Variants in SUSD4 observed in about 807,000 individuals in gnomAD.
The protein encoded by SUSD4 is sushi domain containing 4.
In SUSD4, 41 loss-of-function variants were observed where a neutral mutation model predicts 50.5. The observed-to-expected ratio is 0.81, with a 90% CI of 0.63 to 1.05. The LOEUF (loss-of-function observed/expected upper bound fraction) is 1.05, where lower values mean the gene tolerates loss of function less well. Ranked by LOEUF, SUSD4 falls within the 50% of genes least tolerant of loss-of-function variation. SUSD4 has a pLI of 0.00. For synonymous variants in SUSD4, 257 were observed against 257.3 expected, an observed-to-expected ratio of 1.00 and a Z score of 0.01; for missense variants, 580 against 634.7, an observed-to-expected ratio of 0.91 and a Z score of 0.93.
At chr1:223,298,238 G>A (rs1383772728) in intron 2 of SUSD4, among the ~76,000 whole-genome samples, 1 of 152,056 alleles carries the variant, frequency 6.6e-6, no homozygotes, top group Non-Finnish European at 1.5e-5. Flanking sequence ...GACCCATCTG[G>A]AACCATCTCC....
At chr1:223,354,401 G>C (rs1024801401) in intron 2 of SUSD4, among the ~76,000 whole-genome samples, 1 of 150,338 alleles carries the variant, frequency 6.7e-6, no homozygotes, top group East Asian at 1.9e-4. Context: ...AAGAATGATA[G>C]AAAAAAGCCT....
intron 3 of SUSD4, among the ~76,000 whole-genome samples, chr1:223,283,842 T>C (rs865939757): frequency 1.3e-5 from 2 of 152,080 alleles, no homozygotes; most frequent in Non-Finnish European, 1.5e-5. Flanking sequence ...AAATGTCCAT[T>C]AATGATAGAC....
In SUSD4 at chr1:223,292,647, G is replaced by A. The variant is rs1468922571; in HGVS notation, c.153C>T (p.Phe51=). Reference sequence around the variant, plus strand: ...GGTCAGCACACACTTGAAGGTCATCGAACCCTACATCAACAAAGAGAGGAA... The same window carrying A: ...GGTCAGCACACACTTGAAGGTCATCAAACCCTACATCAACAAAGAGAGGAA... ...CFGPAQLTGG[F]DDLQVCADPG... Residue 51 remains phenylalanine (F), a synonymous_variant, in exon 3 of 9, where the codon TTC becomes TTT. Transcript: ENST00000366878. 1.9e-6 allele frequency: 3 copies of A among 1,613,654 alleles called. No individual in the cohort carries two copies. The highest frequency in any genetic ancestry group is 2.5e-6 in the Non-Finnish European group (3 of 1,179,884).
chr1:223,363,352 G>C lies in SUSD4; in HGVS notation c.74C>G (p.Ser25Cys), dbSNP rs748583497. ...EQQQQQQQPQSPQRLLAVILW... is the reference protein window; with the variant it reads ...EQQQQQQQPQCPQRLLAVILW... Reference sequence around the variant, plus strand: ...GATCACGGCCAAGAGTCTCTGGGGGGACTGAGGTTGCTGCTGCTGCTGCTG... The same window carrying C: ...GATCACGGCCAAGAGTCTCTGGGGGCACTGAGGTTGCTGCTGCTGCTGCTG... Residue 25 changes from serine (S) to cysteine (C), a missense_variant, in exon 2 of 9, where the codon TCC (serine) becomes TGC (cysteine). By Grantham distance (112) the Ser-to-Cys change is moderately radical (BLOSUM62 -1). Transcript: ENST00000366878. 3.1e-6 allele frequency: 5 copies of C among 1,607,586 alleles called. No homozygotes were observed. Among genetic ancestry groups the C allele is most frequent in the Non-Finnish European group, 4.2e-6 (5 of 1,177,432 alleles).
rs572745274 is a variant in SUSD4, at chr1:223,336,703, C to CT, written c.148+26574dup. Among the ~76,000 whole-genome samples, 108 of 148,230 alleles carry CT rather than the reference C, an allele frequency of 7.3e-4. 1 individual carries two copies. Among genetic ancestry groups the CT allele is most frequent in the South Asian group, 5.6e-3 (26 of 4,650 alleles). The stretch of plus-strand genomic sequence containing the variant: ...GTGACTGTAACAGAGAGCTTTAATC[C>CT]TTTTTTTTTTAAGGGACTTGACAAA... On this transcript the variant is annotated intron_variant, in intron 2 of 8. Coordinates refer to ENST00000366878, the MANE Select transcript of SUSD4 (RefSeq NM_017982.4).
chr1:223,222,999 T>C (rs1659228202), intron 8 of SUSD4, among the ~76,000 whole-genome samples: 1 of 152,356 alleles, frequency 6.6e-6, no homozygotes, highest in Admixed American at 6.5e-5. Flanking sequence ...TCGATGCCTT[T>C]TGGTGCCTCT....
intron 2 of SUSD4, among the ~76,000 whole-genome samples, chr1:223,356,607 T>C (rs112954751): frequency 6.6e-6 from 1 of 152,040 alleles, no homozygotes; most frequent in African/African-American, 2.4e-5. Flanking sequence ...TTTTGACATA[T>C]ACTAACTAGA....
chr1:223,301,361 C>T (rs183457327), intron 2 of SUSD4, among the ~76,000 whole-genome samples: 120 of 152,326 alleles, frequency 7.9e-4, no homozygotes, highest in African/African-American at 2.8e-3. Context: ...TCTCAAACAT[C>T]TATTGACCAC....
Position 223,292,617 on chromosome 1 carries a change from G to A in SUSD4, c.183C>T (p.Gly61=). 6.2e-7 allele frequency: 1 copy of A among 1,614,134 alleles called. No homozygotes were observed. The highest frequency in any genetic ancestry group is 8.5e-7 in the Non-Finnish European group (1 of 1,180,022). The change falls in exon 3 of 9, where the codon GGC becomes GGT. Residue 61 remains glycine (G), a synonymous_variant. Coordinates refer to ENST00000366878, the MANE Select transcript of SUSD4 (RefSeq NM_017982.4). Reference sequence around the variant, plus strand: ...GGGTCCTGAAGCCATTCTCGGGAATGCCGGGGTCAGCACACACTTGAAGGT... The same window carrying A: ...GGGTCCTGAAGCCATTCTCGGGAATACCGGGGTCAGCACACACTTGAAGGT... ...FDDLQVCADP[G]IPENGFRTPS...
In SUSD4 at chr1:223,249,645, T is replaced by C. The variant is rs1370858814; in HGVS notation, c.724+14985A>G. On this transcript the variant is annotated intron_variant, in intron 5 of 8. Coordinates refer to ENST00000366878, the MANE Select transcript of SUSD4 (RefSeq NM_017982.4). The stretch of plus-strand genomic sequence containing the variant: ...GTGTATGCACTTATGGGTTCTATAT[T>C]ATAGTTAGTTCTATAATAAGTTTAT... Among the ~76,000 whole-genome samples, 3 of 152,220 alleles carry C rather than the reference T, an allele frequency of 2.0e-5. No individual in the cohort carries two copies. The East Asian group carries it at 5.8e-4, about 29-fold the overall frequency.
chr1:223,229,243 C>T lies in SUSD4; in HGVS notation c.870G>A (p.Gln290=). The change falls in exon 6 of 9, where the codon CAG becomes CAA. Residue 290 remains glutamine, a synonymous_variant. Transcript: ENST00000366878. The surrounding 1 kb of genome is among the most constrained non-coding windows in gnomAD (Gnocchi z 4.7). ...GATAAGAAGGAAACCACTCTCCATA[C>T]TGGCAGGTGATGTACTTGTAGTCGC... is the stretch of plus-strand genomic sequence containing the variant. The part of the protein sequence containing the change: ...LTSDYKYITC[Q]YGEWFPSYQV... 1 of 1,612,074 alleles carries T rather than the reference C, an allele frequency of 6.2e-7. No homozygotes were observed. The highest frequency in any genetic ancestry group is 8.5e-7 in the Non-Finnish European group (1 of 1,178,254).
intron 2 of SUSD4, among the ~76,000 whole-genome samples, chr1:223,298,110 A>G (rs1278591095): frequency 1.3e-5 from 2 of 151,958 alleles, no homozygotes; most frequent in African/African-American, 4.8e-5. Flanking sequence ...GGATGGATGC[A>G]TCGCTAGATG....
chr1:223,229,147 A>G lies in SUSD4; in HGVS notation c.916+50T>C. ...CATAACCACCACCCACTATGTGCAG[A>G]TGGTCCAAGGAGGGTCCATCTCCTC... is the stretch of plus-strand genomic sequence containing the variant. On this transcript the variant is annotated intron_variant, in intron 6 of 8. Coordinates refer to ENST00000366878, the MANE Select transcript of SUSD4 (RefSeq NM_017982.4). This position sits in a 1 kb window ranked among gnomAD's most constrained non-coding sequence, Gnocchi z 4.7. 6.5e-7 allele frequency: 1 copy of G among 1,527,282 alleles called. No homozygotes were observed. The highest frequency in any genetic ancestry group is 8.9e-7 in the Non-Finnish European group (1 of 1,119,048). 94.6% of individuals were successfully genotyped at this position (1,527,282 alleles called of 1,614,324 possible). A position where few individuals can be genotyped will look rare whatever the true frequency, so the allele number is the denominator to read the frequency against.
intron 5 of SUSD4, among the ~76,000 whole-genome samples, chr1:223,235,262 G>C (rs1358218575): frequency 6.6e-6 from 1 of 152,008 alleles, no homozygotes; most frequent in Admixed American, 6.5e-5. Context: ...GGAAGTTCCC[G>C]TATACTCCCT....
At chr1:223,318,447 T>C (rs2103236474) in intron 2 of SUSD4, among the ~76,000 whole-genome samples, 1 of 90,304 alleles carries the variant, frequency 1.1e-5, no homozygotes, top group Middle Eastern at 4.0e-3. Context: ...ACTTCCACAA[T>C]GGTTGAACTA....
chr1:223,252,376 C>T (rs539081997), intron 5 of SUSD4, among the ~76,000 whole-genome samples: 3 of 151,810 alleles, frequency 2.0e-5, no homozygotes, highest in Non-Finnish European at 2.9e-5. Flanking sequence ...AGCCATCGAA[C>T]GCCAAGGAAT....
chr1:223,322,544 A>G (rs902892564), intron 2 of SUSD4, among the ~76,000 whole-genome samples: 4 of 152,236 alleles, frequency 2.6e-5, no homozygotes, highest in Admixed American at 6.5e-5. Context: ...TCTGTACACA[A>G]ATAATTGTGA....
At chr1:223,222,958 C>T (rs574252341) in intron 8 of SUSD4, among the ~76,000 whole-genome samples, 3 of 152,168 alleles carry the variant, frequency 2.0e-5, no homozygotes, top group Non-Finnish European at 2.9e-5. Flanking sequence ...AATGAAGCAC[C>T]GGCCACTGCT....
intron 2 of SUSD4, among the ~76,000 whole-genome samples, chr1:223,339,877 A>G (rs1667660249): frequency 6.6e-6 from 1 of 152,208 alleles, no homozygotes; most frequent in Non-Finnish European, 1.5e-5. Flanking sequence ...CCGCTTACAC[A>G]CACTGAGCTG....
Sources: allele counts gnomAD v4.1 joint callset (sites outside exome capture counted in the v4.1 genomes callset), GRCh38; gene constraint gnomAD v4.1.1; non-coding constraint Gnocchi (gnomAD v3.1); transcripts MANE v1.5; gene names NCBI Gene and HGNC (gene_info 2026-07-23, HGNC 2026-07-21).